Variants in KALRN observed in about 807,000 individuals in gnomAD.
KALRN encodes the protein kalirin RhoGEF kinase.
In KALRN, 70 loss-of-function variants were observed where a neutral mutation model predicts 353.7. The ratio of observed to expected loss-of-function variants is 0.20; its 90% CI spans 0.16 to 0.24. KALRN has a LOEUF of 0.24. Among genes scored for constraint, KALRN ranks in the 10% least tolerant of loss-of-function variants. The probability of loss-of-function intolerance (pLI) is 1.00; values close to 1 mark genes in which losing one functional copy is unlikely to be tolerated. For missense variants in KALRN, 2,791 were observed against 3,756.7 expected (o/e 0.74, Z 6.72); for synonymous variants, 1,391 against 1,434.8 (o/e 0.97, Z 0.69).
At chr3:124,220,186 G>C (rs1015946796) in intron 1 of KALRN, among the ~76,000 whole-genome samples, 3 of 152,090 alleles carry the variant, frequency 2.0e-5, no homozygotes, top group Non-Finnish European at 4.4e-5. Flanking sequence ...CTCGTGATCT[G>C]CCCACTTGGG....
intron 34 of KALRN, among the ~76,000 whole-genome samples, chr3:124,606,426 C>T (rs1228175833): frequency 4.6e-5 from 7 of 152,198 alleles, no homozygotes; most frequent in African/African-American, 1.4e-4. Flanking sequence ...GCTATGAAAA[C>T]GCCCAGGCCA....
At chr3:124,572,594 C>T (rs773076750) in intron 34 of KALRN, among the ~76,000 whole-genome samples, 1 of 152,098 alleles carries the variant, frequency 6.6e-6, no homozygotes, top group African/African-American at 2.4e-5. Flanking sequence ...CAAAAGGAAG[C>T]TGATAAAGAT....
At chr3:124,458,275 CAAAAAAAAA>C (rs35854921) in intron 23 of KALRN, among the ~76,000 whole-genome samples, 3 of 83,138 alleles carry the variant, frequency 3.6e-5, no homozygotes, top group African/African-American at 5.0e-5. Flanking sequence ...GACTCTGTCT[CAAAAAAAAA>C]AAAAAAAAAA....
intron 34 of KALRN, among the ~76,000 whole-genome samples, chr3:124,582,128 C>A (rs2074690229): frequency 6.6e-6 from 1 of 151,106 alleles, no homozygotes; most frequent in Admixed American, 6.6e-5. Context: ...TCAAGCAATT[C>A]TCCTGCCTCA....
chr3:124,371,678 T>G (rs1252546740), intron 10 of KALRN, among the ~76,000 whole-genome samples: 3 of 152,182 alleles, frequency 2.0e-5, no homozygotes, highest in Non-Finnish European at 4.4e-5. Context: ...TGGGTACATA[T>G]TGGTGTATAT....
intron 1 of KALRN, among the ~76,000 whole-genome samples, chr3:124,128,628 T>C (rs1001102962): frequency 1.3e-5 from 2 of 152,058 alleles, no homozygotes; most frequent in African/African-American, 2.4e-5. Flanking sequence ...AGTAGAGAAG[T>C]AGAAGGTCTT....
intron 25 of KALRN, among the ~76,000 whole-genome samples, chr3:124,465,640 A>G (rs965160317): frequency 9.2e-5 from 14 of 152,192 alleles, no homozygotes; most frequent in African/African-American, 3.1e-4. Context: ...CTTCAGAAAT[A>G]CTTGTCCGAA....
intron 1 of KALRN, among the ~76,000 whole-genome samples, chr3:124,133,550 T>A (rs2065561878): frequency 6.6e-6 from 1 of 152,236 alleles, no homozygotes; most frequent in Admixed American, 6.5e-5. Flanking sequence ...TGTGGCATTG[T>A]GGAGGGCCCA....
chr3:124,551,853 A>G (rs1480554050), intron 33 of KALRN, among the ~76,000 whole-genome samples: 1 of 152,218 alleles, frequency 6.6e-6, no homozygotes, highest in Non-Finnish European at 1.5e-5. Context: ...TGTATGCCCC[A>G]TGCCCAGCAC....
chr3:124,499,415 A>C (rs982893512), intron 33 of KALRN, among the ~76,000 whole-genome samples: 1 of 152,246 alleles, frequency 6.6e-6, no homozygotes, highest in African/African-American at 2.4e-5. Flanking sequence ...TATTTGCTTG[A>C]TAACCATTAG....
intron 5 of KALRN, among the ~76,000 whole-genome samples, chr3:124,284,803 T>C (rs1223971763): frequency 6.6e-6 from 1 of 152,224 alleles, no homozygotes; most frequent in Non-Finnish European, 1.5e-5. Flanking sequence ...CAAGGAAATG[T>C]ATTATTTCAC....
At chr3:124,418,914 G>A (rs1560875974) in intron 14 of KALRN, among the ~76,000 whole-genome samples, 1 of 151,994 alleles carries the variant, frequency 6.6e-6, no homozygotes, top group Non-Finnish European at 1.5e-5. Flanking sequence ...ATTGGTCTGG[G>A]GTGTGGTTAG....
intron 49 of KALRN, chr3:124,677,456 A>G (rs551087243): frequency 2.7e-6 from 1 of 372,772 alleles, no homozygotes; most frequent in Non-Finnish European, 5.2e-6. Flanking sequence ...TTGAAAAGCC[A>G]TTGCTGCTCT....
chr3:124,378,611 T>C (rs1576435284), intron 10 of KALRN, among the ~76,000 whole-genome samples: 1 of 152,262 alleles, frequency 6.6e-6, no homozygotes, highest in East Asian at 1.9e-4. Flanking sequence ...TTCATCTTTG[T>C]ATATCTGAAA....
intron 10 of KALRN, among the ~76,000 whole-genome samples, chr3:124,368,193 A>ACC (rs1417261780): frequency 1.8e-5 from 1 of 56,246 alleles, no homozygotes; most frequent in East Asian, 2.4e-3. Context: ...CGGGGGGCTG[A>ACC]CCCCCCACAC....
intron 5 of KALRN, among the ~76,000 whole-genome samples, chr3:124,286,077 T>TC (rs1444527768): frequency 8.8e-6 from 1 of 113,208 alleles, no homozygotes; most frequent in Non-Finnish European, 1.8e-5. Context: ...TTTCTTTCTT[T>TC]CCTTCCTTTC....
chr3:124,159,417 T>A (rs906597660), intron 1 of KALRN, among the ~76,000 whole-genome samples: 3 of 152,088 alleles, frequency 2.0e-5, no homozygotes, highest in Non-Finnish European at 2.9e-5. Flanking sequence ...ACTATAAGCA[T>A]GTGCCACCAC....
chr3:124,582,266 C>T (rs936421718), intron 34 of KALRN, among the ~76,000 whole-genome samples: 7 of 152,124 alleles, frequency 4.6e-5, no homozygotes, highest in African/African-American at 1.4e-4. Context: ...GGTGATCCGC[C>T]CACCTTGGCC....
intron 50 of KALRN, 136 bp from the exon 51 acceptor site, chr3:124,679,322 T>A: frequency 1.4e-6 from 1 of 724,764 alleles, no homozygotes. Context: ...ACCCCCACTT[T>A]AAAAACACCT....
Sources: allele counts gnomAD v4.1 joint callset (sites outside exome capture counted in the v4.1 genomes callset), GRCh38; gene constraint gnomAD v4.1.1; transcripts MANE v1.5; gene names NCBI Gene and HGNC (gene_info 2026-07-23, HGNC 2026-07-21).